Variants in PSD3 observed in about 807,000 individuals in gnomAD.
PSD3 encodes PH and SEC7 domain-containing protein 3.
PSD3 carries 49 observed loss-of-function variants against 105.5 expected under a neutral mutation model. That is an observed-to-expected ratio of 0.46 (90% confidence interval 0.37 to 0.59). The LOEUF (loss-of-function observed/expected upper bound fraction) is 0.59. Among genes scored for constraint, PSD3 ranks in the 20% least tolerant of loss-of-function variants. The pLI is 0.00. For synonymous variants in PSD3, 557 were observed against 457.8 expected, an observed-to-expected ratio of 1.22 and a Z score of -2.77; for missense variants, 1,561 against 1,263.8, an observed-to-expected ratio of 1.24 and a Z score of -3.57.
At chr8:18,626,033 C>T (rs748597109) in intron 11 of PSD3, among the ~76,000 whole-genome samples, 1 of 151,992 alleles carries the variant, frequency 6.6e-6, no homozygotes, top group Non-Finnish European at 1.5e-5. Flanking sequence ...CCAGGAGATG[C>T]GTTTTGTTTT....
intron 1 of PSD3, among the ~76,000 whole-genome samples, chr8:18,951,394 C>T (rs1377995991): frequency 6.6e-6 from 1 of 152,008 alleles, no homozygotes; most frequent in East Asian, 1.9e-4. Flanking sequence ...AGAGCAAGAC[C>T]CTGTCTCAAG....
chr8:18,845,241 G>C (rs1463956282), intron 4 of PSD3, among the ~76,000 whole-genome samples: 1 of 152,126 alleles, frequency 6.6e-6, no homozygotes, highest in African/African-American at 2.4e-5. Flanking sequence ...GAGTTAAAGG[G>C]TATTGATCAT....
chr8:18,964,864 A>C (rs995590934), intron 1 of PSD3, among the ~76,000 whole-genome samples: 1 of 152,206 alleles, frequency 6.6e-6, no homozygotes, highest in Non-Finnish European at 1.5e-5. Context: ...AGGAACTATA[A>C]TTATTTGTGT....
intron 12 of PSD3, among the ~76,000 whole-genome samples, chr8:18,582,235 C>T (rs532681430): frequency 7.2e-5 from 11 of 152,282 alleles, no homozygotes; most frequent in Admixed American, 5.2e-4. Flanking sequence ...TCTGCATCCT[C>T]AACTCTCCAA....
intron 9 of PSD3, among the ~76,000 whole-genome samples, chr8:18,750,099 C>T (rs953532881): frequency 6.6e-5 from 10 of 152,102 alleles, no homozygotes; most frequent in African/African-American, 2.4e-4. Context: ...GATTTGTTAA[C>T]GACAGCAATA....
At chr8:18,828,598 C>T (rs973678792) in intron 4 of PSD3, among the ~76,000 whole-genome samples, 5 of 152,084 alleles carry the variant, frequency 3.3e-5, no homozygotes, top group Admixed American at 6.5e-5. Context: ...CCCGGGAGTT[C>T]AAGACCAGCC....
At chr8:18,633,796 T>C (rs1807063267) in intron 10 of PSD3, among the ~76,000 whole-genome samples, 1 of 152,128 alleles carries the variant, frequency 6.6e-6, no homozygotes, top group Non-Finnish European at 1.5e-5. Context: ...ATTGCTGATT[T>C]GAATGGTAGT....
chr8:18,755,854 CT>C (rs2129440848), intron 9 of PSD3, among the ~76,000 whole-genome samples: 2 of 151,716 alleles, frequency 1.3e-5, no homozygotes, highest in African/African-American at 4.8e-5. Flanking sequence ...CATTCATGGT[CT>C]GAACCACACC....
intron 1 of PSD3, among the ~76,000 whole-genome samples, chr8:19,022,012 TTCTGGCGAGAC>T (rs1205310983): frequency 6.6e-6 from 1 of 152,232 alleles, no homozygotes; most frequent in Non-Finnish European, 1.5e-5. Flanking sequence ...TCTGCTCAGC[TTCTGGCGAGAC>T]TCAGGAAGCT....
intron 12 of PSD3, among the ~76,000 whole-genome samples, chr8:18,585,087 C>G (rs1348829507): frequency 6.6e-6 from 1 of 152,126 alleles, no homozygotes; most frequent in African/African-American, 2.4e-5. Flanking sequence ...ACACGAAGCC[C>G]TCTGCCTTGC....
At chr8:18,928,698 ATCTT>A (rs1821540533) in intron 2 of PSD3, among the ~76,000 whole-genome samples, 1 of 149,632 alleles carries the variant, frequency 6.7e-6, no homozygotes, top group Non-Finnish European at 1.5e-5. Flanking sequence ...TTTTCTTTTT[ATCTT>A]TCTCTTTTTC....
At chr8:18,828,814 A>C (rs967226837) in intron 4 of PSD3, among the ~76,000 whole-genome samples, 1 of 151,696 alleles carries the variant, frequency 6.6e-6, no homozygotes. Context: ...CAAACAAACA[A>C]AAAATTGGGC....
chr8:19,020,225 A>T (rs941122453), intron 1 of PSD3, among the ~76,000 whole-genome samples: 4 of 152,166 alleles, frequency 2.6e-5, no homozygotes, highest in Non-Finnish European at 5.9e-5. Context: ...ATGTGATGTT[A>T]TATGATGCTG....
intron 11 of PSD3, among the ~76,000 whole-genome samples, chr8:18,608,024 G>C (rs746426717): frequency 9.2e-5 from 14 of 152,114 alleles, no homozygotes; most frequent in African/African-American, 3.4e-4. Context: ...CACCAGGTGG[G>C]AACTACAATT....
intron 7 of PSD3, among the ~76,000 whole-genome samples, chr8:18,800,094 T>G (rs762286512): frequency 3.3e-5 from 5 of 152,196 alleles, no homozygotes; most frequent in Non-Finnish European, 5.9e-5. Flanking sequence ...CTACATATAT[T>G]TAAAACAAAT....
At chr8:19,020,474 G>A (rs941077931) in intron 1 of PSD3, among the ~76,000 whole-genome samples, 1 of 152,084 alleles carries the variant, frequency 6.6e-6, no homozygotes, top group Admixed American at 6.5e-5. Flanking sequence ...CTAGGGCTGA[G>A]TGAGCCAGGT....
chr8:18,628,717 T>G (rs184702691), intron 11 of PSD3, among the ~76,000 whole-genome samples: 78 of 152,070 alleles, frequency 5.1e-4, no homozygotes, highest in Non-Finnish European at 7.7e-4. Flanking sequence ...TATAAGGGTC[T>G]CAAACCATAA....
intron 10 of PSD3, among the ~76,000 whole-genome samples, chr8:18,637,490 A>G (rs1807345149): frequency 6.6e-6 from 1 of 152,154 alleles, no homozygotes; most frequent in Non-Finnish European, 1.5e-5. Flanking sequence ...TCTCCCATCG[A>G]TTCCTGGCAA....
intron 11 of PSD3, among the ~76,000 whole-genome samples, chr8:18,610,589 T>C (rs754384206): frequency 3.7e-4 from 56 of 152,236 alleles, no homozygotes; most frequent in Non-Finnish European, 5.9e-4. Flanking sequence ...TTAAATTTAA[T>C]TGGGCTGAAG....
Sources: allele counts gnomAD v4.1 joint callset (sites outside exome capture counted in the v4.1 genomes callset), GRCh38; gene constraint gnomAD v4.1.1; transcripts MANE v1.5; gene names NCBI Gene and HGNC (gene_info 2026-07-23, HGNC 2026-07-21).